Variants in CPA6 observed in about 807,000 individuals in gnomAD.
CPA6 encodes the protein carboxypeptidase A6.
Under a neutral mutation model 63.3 loss-of-function variants are expected in CPA6, and 58 were observed. The observed-to-expected ratio is 0.92, with a 90% CI of 0.74 to 1.14. CPA6 has a LOEUF of 1.14. CPA6 is among the 50% of genes most tolerant of loss of function. The pLI is 0.00. For missense variants in CPA6, 565 were observed against 526.6 expected (o/e 1.07, Z -0.71); for synonymous variants, 185 against 179.0 (o/e 1.03, Z -0.27).
chr8:67,566,692 C>G (rs142208850), intron 2 of CPA6, among the ~76,000 whole-genome samples: 39 of 152,262 alleles, frequency 2.6e-4, no homozygotes, highest in African/African-American at 9.1e-4. Context: ...CATGCTGCAC[C>G]CTCACCACCA....
At chr8:67,571,130 G>A (rs1813475601) in intron 2 of CPA6, among the ~76,000 whole-genome samples, 1 of 152,112 alleles carries the variant, frequency 6.6e-6, no homozygotes, top group Admixed American at 6.6e-5. Flanking sequence ...ATGAAAAAGA[G>A]GTCACTTCAT....
At chr8:67,685,383 C>A (rs1021201233) in intron 1 of CPA6, among the ~76,000 whole-genome samples, 1 of 152,028 alleles carries the variant, frequency 6.6e-6, no homozygotes, top group Non-Finnish European at 1.5e-5. Context: ...TTTGGGAGGC[C>A]GAGGCAGGTG....
chr8:67,675,226 A>T (rs1320442871), intron 1 of CPA6, among the ~76,000 whole-genome samples: 2 of 152,156 alleles, frequency 1.3e-5, no homozygotes, highest in African/African-American at 4.8e-5. Context: ...ACAAAGATAC[A>T]ACCATAGCAG....
intron 1 of CPA6, among the ~76,000 whole-genome samples, chr8:67,672,907 A>G (rs1002115476): frequency 1.4e-5 from 2 of 142,100 alleles, no homozygotes; most frequent in African/African-American, 5.9e-5. Flanking sequence ...TATTTCACTA[A>G]CTTTTTTTTT....
intron 2 of CPA6, among the ~76,000 whole-genome samples, chr8:67,569,251 T>C (rs1564004455): frequency 6.6e-6 from 1 of 152,120 alleles, no homozygotes; most frequent in Non-Finnish European, 1.5e-5. Flanking sequence ...TCATATACAA[T>C]GAAGTCTTAA....
intron 8 of CPA6, among the ~76,000 whole-genome samples, chr8:67,467,972 C>T (rs1398227210): frequency 1.3e-5 from 2 of 150,598 alleles, no homozygotes; most frequent in Non-Finnish European, 2.9e-5. Flanking sequence ...GCAGGAGAAT[C>T]GCTTGAACCC....
intron 9 of CPA6, among the ~76,000 whole-genome samples, chr8:67,432,702 G>A (rs779785506): frequency 1.3e-5 from 2 of 152,148 alleles, no homozygotes; most frequent in Non-Finnish European, 2.9e-5. Flanking sequence ...GGACTCAAAT[G>A]ATCCACCTGT....
rs753377179 is a variant in CPA6 at position 67,467,659 on chromosome 8, G to T, written c.838+16109C>A. Among the ~76,000 whole-genome samples the T allele has an allele frequency of 1.1e-4, 17 of 152,130 alleles. 1 individual carries two copies. The highest frequency in any genetic ancestry group is 3.4e-3 in the Middle Eastern group (1 of 294). ...GCTGTAGTTTCCTAACCAGTCCTTT[G>T]GTTGACACTGTTGATACTCAAGGAT... On this transcript the variant is annotated intron_variant, in intron 8 of 10. Coordinates refer to ENST00000297770, the MANE Select transcript of CPA6 (RefSeq NM_020361.5).
intron 8 of CPA6, among the ~76,000 whole-genome samples, chr8:67,458,306 C>T (rs1033485779): frequency 5.3e-5 from 8 of 152,158 alleles, no homozygotes; most frequent in Admixed American, 1.3e-4. Context: ...AAGTGATTCT[C>T]GTGCCTCACC....
chr8:67,515,457 A>G (rs1170938799), intron 3 of CPA6, among the ~76,000 whole-genome samples: 1 of 152,162 alleles, frequency 6.6e-6, no homozygotes, highest in African/African-American at 2.4e-5. Context: ...TTTAAAGGAT[A>G]CACATTCTTT....
intron 2 of CPA6, among the ~76,000 whole-genome samples, chr8:67,611,656 G>A (rs907586764): frequency 6.6e-5 from 10 of 152,136 alleles, no homozygotes; most frequent in Non-Finnish European, 1.5e-4. Context: ...GTCAAGAGAG[G>A]ACTTTTCAAG....
chr8:67,466,298 T>A (rs1810925105), intron 8 of CPA6, among the ~76,000 whole-genome samples: 1 of 152,088 alleles, frequency 6.6e-6, no homozygotes, highest in Non-Finnish European at 1.5e-5. Context: ...TGAGATCACT[T>A]GTAATGTCAC....
intron 2 of CPA6, among the ~76,000 whole-genome samples, chr8:67,605,531 CTT>C (rs68153641): frequency 0.12 from 14,966 of 125,024 alleles, 660 homozygotes; most frequent in African/African-American, 0.17. Flanking sequence ...TATTGTATTG[CTT>C]TTTTTTTTTT....
chr8:67,741,659 C>A (rs2129004390), intron 1 of CPA6, among the ~76,000 whole-genome samples: 1 of 152,238 alleles, frequency 6.6e-6, no homozygotes, highest in South Asian at 2.1e-4. Flanking sequence ...TGCGAGGGAT[C>A]TAGGTTGCAT....
chr8:67,481,230 G>A (rs925560120), intron 8 of CPA6, among the ~76,000 whole-genome samples: 2 of 152,190 alleles, frequency 1.3e-5, no homozygotes, highest in African/African-American at 4.8e-5. Flanking sequence ...GAAAATCAGT[G>A]CTTACAGCAT....
At chr8:67,486,693 A>AT (rs1811485444) in intron 6 of CPA6, among the ~76,000 whole-genome samples, 1 of 152,202 alleles carries the variant, frequency 6.6e-6, no homozygotes, top group Admixed American at 6.5e-5. Context: ...TTTGTAGAAT[A>AT]TTTTTTAATA....
At chr8:67,680,838 T>G (rs1202462644) in intron 1 of CPA6, among the ~76,000 whole-genome samples, 1 of 152,204 alleles carries the variant, frequency 6.6e-6, no homozygotes, top group African/African-American at 2.4e-5. Flanking sequence ...TTATTCTCAT[T>G]GTTGTTATAA....
chr8:67,608,307 CA>C lies in CPA6; in HGVS notation c.192+15868del, dbSNP rs549619036. ...CCCTATCCTGTGTCCATATAAAGCC[CA>C]AACCCCAGGCTCCATGAGCAGAAGA... On this transcript the variant is annotated intron_variant, in intron 2 of 10. Coordinates refer to ENST00000297770, the MANE Select transcript of CPA6 (RefSeq NM_020361.5). Among the ~76,000 whole-genome samples, 25 of 152,262 alleles carry C rather than the reference CA, an allele frequency of 1.6e-4. No individual in the cohort carries two copies. The South Asian group carries it at 5.2e-3, about 32-fold the overall frequency.
intron 2 of CPA6, among the ~76,000 whole-genome samples, chr8:67,621,272 C>T (rs764946189): frequency 6.6e-6 from 1 of 152,214 alleles, no homozygotes; most frequent in Non-Finnish European, 1.5e-5. Context: ...TTGCTGTGAC[C>T]GATCATAGCT....
Sources: allele counts gnomAD v4.1 joint callset (sites outside exome capture counted in the v4.1 genomes callset), GRCh38; gene constraint gnomAD v4.1.1; transcripts MANE v1.5; gene names NCBI Gene and HGNC (gene_info 2026-07-23, HGNC 2026-07-21).